NUF2: variants seen among roughly 807,000 people sequenced by gnomAD.
NUF2 encodes kinetochore protein Nuf2.
Under a neutral mutation model 61.8 loss-of-function variants are expected in NUF2, and 34 were observed. That is an observed-to-expected ratio of 0.55 (90% confidence interval 0.42 to 0.73). The LOEUF is 0.73. Among genes scored for constraint, NUF2 ranks in the 30% least tolerant of loss-of-function variants. NUF2 has a pLI of 0.00. For synonymous variants in NUF2, 172 were observed against 181.6 expected (o/e 0.95, Z 0.42); for missense variants, 445 against 539.1 (o/e 0.83, Z 1.73).
At chr1:163,335,406 C>T (rs1650724901) in intron 5 of NUF2, among the ~76,000 whole-genome samples, 1 of 152,072 alleles carries the variant, frequency 6.6e-6, no homozygotes, top group Non-Finnish European at 1.5e-5. Flanking sequence ...TGTCTTCTGG[C>T]TTACATTGTT....
At position 163,328,309 on chromosome 1, in the gene NUF2, G is replaced by GTAAC; in HGVS notation, c.275+8_275+9insCTAA. 6.4e-7 allele frequency: 1 copy of GTAAC among 1,555,568 alleles called. No individual in the cohort carries two copies. Among genetic ancestry groups the GTAAC allele is most frequent in the Non-Finnish European group, 8.8e-7 (1 of 1,131,706 alleles). ...CAGCAATTTAGTTACTCATCTGTGAGTAAAGAGTGATTTTATTGTCTTCGT... is the reference window on the plus strand; with the variant it reads ...CAGCAATTTAGTTACTCATCTGTGAGTAACTAAAGAGTGATTTTATTGTCTTCGT... On this transcript the variant is annotated splice_donor_region_variant and intron_variant, in intron 4 of 13. Coordinates refer to ENST00000271452, the MANE Select transcript of NUF2 (RefSeq NM_145697.3).
chr1:163,350,409 CAGTTACTAACAATTTAGTAACT>C (rs1472979410), intron 13 of NUF2, among the ~76,000 whole-genome samples: 30 of 152,100 alleles, frequency 2.0e-4, no homozygotes, highest in Admixed American at 1.5e-3. Context: ...GTTAGTGAAC[CAGTTACTAACAATTTAGTAACT>C]AGTTACTAAC....
intron 5 of NUF2, among the ~76,000 whole-genome samples, chr1:163,332,997 G>A (rs866510689): frequency 9.2e-5 from 14 of 152,234 alleles, no homozygotes; most frequent in East Asian, 3.9e-4. Flanking sequence ...GGTTAATAGC[G>A]TTGTTCAAGC....
chr1:163,328,733 C>A, intron 4 of NUF2, 113 bp from the exon 5 acceptor site: 1 of 703,424 alleles, frequency 1.4e-6, no homozygotes, highest in Non-Finnish European at 2.5e-6. Flanking sequence ...GTCCACTGAC[C>A]TTAAGAAATA....
intron 8 of NUF2, among the ~76,000 whole-genome samples, chr1:163,340,090 A>G (rs1557951936): frequency 1.3e-5 from 2 of 152,312 alleles, no homozygotes; most frequent in Non-Finnish European, 1.5e-5. Context: ...TTAAGAACAA[A>G]ATAAAAATTT....
chr1:163,348,616 C>G (rs1424718793), intron 12 of NUF2, among the ~76,000 whole-genome samples: 3 of 152,090 alleles, frequency 2.0e-5, no homozygotes, highest in African/African-American at 7.2e-5. Flanking sequence ...TTCCCACCAA[C>G]AGTACCTAAG....
At chr1:163,350,331 A>G (rs1244520574) in intron 13 of NUF2, among the ~76,000 whole-genome samples, 1 of 152,048 alleles carries the variant, frequency 6.6e-6, no homozygotes, top group African/African-American at 2.4e-5. Flanking sequence ...CTTAGCAGAT[A>G]TTTAATCCTG....
At chr1:163,339,538 A>G (rs1215338102) in intron 8 of NUF2, 61 bp downstream of exon 8, 2 of 952,002 alleles carry the variant, frequency 2.1e-6, no homozygotes, top group East Asian at 2.5e-5. Context: ...ATGTGGTGGG[A>G]CATATAGTGG....
intron 9 of NUF2, among the ~76,000 whole-genome samples, chr1:163,342,713 TAG>T (rs1328041283): frequency 2.0e-5 from 3 of 152,082 alleles, no homozygotes; most frequent in Admixed American, 6.5e-5. Context: ...TACACACATA[TAG>T]AGAGAGACAG....
At chr1:163,343,668 C>A in intron 9 of NUF2, 65 bp from the exon 10 acceptor site, 1 of 757,878 alleles carries the variant, frequency 1.3e-6, no homozygotes, top group East Asian at 3.3e-5. Context: ...TTGTTCTTTC[C>A]CATTACTAGA....
chr1:163,331,059 G>C (rs1333445502), intron 5 of NUF2, among the ~76,000 whole-genome samples: 4 of 147,952 alleles, frequency 2.7e-5, no homozygotes, highest in Non-Finnish European at 6.0e-5. Flanking sequence ...TGCACTGGCT[G>C]GGACTTTTAG....
chr1:163,331,951 T>C (rs1236495706), intron 5 of NUF2, among the ~76,000 whole-genome samples: 3 of 152,002 alleles, frequency 2.0e-5, no homozygotes, highest in Non-Finnish European at 4.4e-5. Context: ...TTTTCTGTAT[T>C]TCTGGTTTTT....
chr1:163,339,317 AG>A, intron 7 of NUF2, 63 bp from the exon 8 acceptor site: 3 of 889,528 alleles, frequency 3.4e-6, no homozygotes, highest in Non-Finnish European at 5.5e-6. Context: ...ATTTGAGGAC[AG>A]GTATTTCATT....
intron 1 of NUF2, among the ~76,000 whole-genome samples, chr1:163,324,799 G>A (rs1480197608): frequency 6.6e-6 from 1 of 152,080 alleles, no homozygotes; most frequent in Admixed American, 6.5e-5. Context: ...ATCTCACAAT[G>A]TGGTGTCAGA....
intron 1 of NUF2, among the ~76,000 whole-genome samples, chr1:163,325,599 C>A (rs1458001758): frequency 6.6e-6 from 1 of 152,114 alleles, no homozygotes; most frequent in East Asian, 1.9e-4. Context: ...AAACTGAATA[C>A]AATTTTTTAT....
chr1:163,329,942 C>G (rs1401287771), intron 5 of NUF2, among the ~76,000 whole-genome samples: 1 of 152,042 alleles, frequency 6.6e-6, no homozygotes, highest in African/African-American at 2.4e-5. Flanking sequence ...GTGAAAGAAG[C>G]CAGTCTGCAA....
chr1:163,330,992 C>T, intron 5 of NUF2, among the ~76,000 whole-genome samples: 1 of 145,860 alleles, frequency 6.9e-6, no homozygotes, highest in African/African-American at 2.5e-5. Context: ...TGTTTGAGGA[C>T]AAAATTTTTT....
intron 1 of NUF2, among the ~76,000 whole-genome samples, chr1:163,325,527 CTT>C (rs369575416): frequency 2.0e-5 from 3 of 152,042 alleles, no homozygotes; most frequent in African/African-American, 4.8e-5. Context: ...TTTTTTCTCT[CTT>C]CTATTTGCAT....
At chr1:163,324,635 G>T (rs545442650) in intron 1 of NUF2, among the ~76,000 whole-genome samples, 1 of 152,248 alleles carries the variant, frequency 6.6e-6, no homozygotes, top group East Asian at 1.9e-4. Context: ...GAGAGTAGGG[G>T]ATCTGAAGGT....
Sources: gnomAD v4.1 joint callset for allele counts (sites outside exome capture counted in the v4.1 genomes callset) on GRCh38, gnomAD v4.1.1 for gene constraint, MANE v1.5 for transcripts, NCBI Gene and HGNC (gene_info 2026-07-23, HGNC 2026-07-21) for gene names.